Variants in YBX1 observed in about 807,000 individuals in gnomAD.
The protein encoded by YBX1 is Y-box-binding protein 1.
A neutral mutation model predicts 41.4 loss-of-function variants in YBX1; 3 were observed. The ratio of observed to expected loss-of-function variants is 0.07; its 90% CI spans 0.03 to 0.19. The LOEUF is 0.19. Among genes scored for constraint, YBX1 ranks in the 10% least tolerant of loss-of-function variants. The pLI is 1.00. For missense variants in YBX1, 274 were observed against 462.8 expected, an observed-to-expected ratio of 0.59 and a Z score of 3.74; for synonymous variants, 133 against 165.8, an observed-to-expected ratio of 0.80 and a Z score of 1.52.
rs918012842 is a variant in YBX1, at chr1:42,702,679, A to C, written c.*730A>C. Reference sequence around the variant, plus strand: ...TCTAGCCTAGACCGACCAGACTCTCATCCTGCTCCACTTAGTTTTGTCACC... The same window carrying C: ...TCTAGCCTAGACCGACCAGACTCTCCTCCTGCTCCACTTAGTTTTGTCACC... On this transcript the variant is annotated 3_prime_UTR_variant, in exon 8 of 8. Transcript: ENST00000321358. 8.5e-5 allele frequency among the ~76,000 whole-genome samples: 13 copies of C among 152,204 alleles called. No individual in the cohort carries two copies.
intron 6 of YBX1, among the ~76,000 whole-genome samples, chr1:42,699,530 T>C (rs1650543120): frequency 6.6e-6 from 1 of 152,144 alleles, no homozygotes. Flanking sequence ...TTTATCCAGA[T>C]GAAGACACTG....
intron 1 of YBX1, 174 bp from the exon 2 acceptor site, chr1:42,683,229 C>T (rs1570412737): frequency 2.6e-6 from 2 of 767,246 alleles, no homozygotes; most frequent in East Asian, 2.7e-5. Context: ...TTCAGACTCA[C>T]CCACGTGTGC....
chr1:42,693,757 AT>A (rs1177971029), intron 3 of YBX1, among the ~76,000 whole-genome samples: 2 of 152,346 alleles, frequency 1.3e-5, no homozygotes, highest in East Asian at 1.9e-4. Context: ...GCTTTCTCAA[AT>A]GTTGAGTCAA....
intron 2 of YBX1, among the ~76,000 whole-genome samples, chr1:42,686,603 T>TCA (rs150826609): frequency 3.0e-4 from 46 of 152,366 alleles, no homozygotes; most frequent in African/African-American, 1.0e-3. Context: ...CTCTCTTTAG[T>TCA]CACGCCTATC....
intron 2 of YBX1, among the ~76,000 whole-genome samples, chr1:42,692,685 G>T (rs12032134): frequency 0.1 from 15,229 of 152,226 alleles, 1,042 homozygotes; most frequent in East Asian, 0.29. Flanking sequence ...CTGACCTGAC[G>T]GAGTAAAGAG....
intron 3 of YBX1, 101 bp downstream of exon 3, chr1:42,693,624 A>G: frequency 8.0e-7 from 1 of 1,244,556 alleles, no homozygotes; most frequent in Non-Finnish European, 1.2e-6. Context: ...GGTTAAGTCC[A>G]ACCACCAGTT....
chr1:42,700,710 C>T (rs1650576684), intron 6 of YBX1, 71 bp from the exon 7 acceptor site: 2 of 1,361,018 alleles, frequency 1.5e-6, no homozygotes, highest in Non-Finnish European at 2.0e-6. Context: ...TGTGAACCAA[C>T]TGGTTACACT....
chr1:42,682,469 C>G lies in YBX1; in HGVS notation c.-97C>G. The G allele has an allele frequency of 1.5e-6, 2 of 1,300,726 alleles. No individual in the cohort carries two copies. Among genetic ancestry groups the G allele is most frequent in the African/African-American group, 3.1e-5 (2 of 64,386 alleles). The allele number at this position is 1,300,726 out of a possible 1,614,324, so 80.6% of individuals were successfully genotyped here. A position where few individuals can be genotyped will look rare whatever the true frequency, so the allele number is the denominator to read the frequency against. On this transcript the variant is annotated 5_prime_UTR_variant, in exon 1 of 8. Coordinates refer to ENST00000321358, the MANE Select transcript of YBX1 (RefSeq NM_004559.5). ...GAGCGGAGAGCGGACCCCAGAGAGC[C>G]CTGAGCAGCCCCACCGCCGCCGCCG...
rs761855199 is a variant in YBX1, at chr1:42,696,758, T to C, written c.471T>C (p.Asn157=). 6.2e-7 allele frequency: 1 copy of C among 1,613,802 alleles called. No individual in the cohort carries two copies. Among genetic ancestry groups the C allele is most frequent in the Non-Finnish European group, 8.5e-7 (1 of 1,179,852 alleles). ...CACGTCGTAGGGGTCCTCCACGCAA[T>C]TACCAGCAAAATTACCAGAATAGTG... ...RYPRRRGPPR[N]YQQNYQNSES... Residue 157 remains asparagine (N), a synonymous_variant, in exon 5 of 8, where the codon AAT becomes AAC. Coordinates refer to ENST00000321358, the MANE Select transcript of YBX1 (RefSeq NM_004559.5). The surrounding 1 kb of genome is among the most constrained non-coding windows in gnomAD (Gnocchi z 5.7).
In YBX1 at chr1:42,682,610, C is replaced by G. The variant is rs927869792; in HGVS notation, c.45C>G (p.Pro15=). ...CCCAGCAGCCGCCCGCCGCCCCCCC[C>G]GCCGCCCCCGCCCTCAGCGCCGCCG... is the stretch of plus-strand genomic sequence containing the variant. ...AETQQPPAAP[P]AAPALSAADT... is the part of the protein sequence containing the mutation. The change falls in exon 1 of 8, where the codon CCC becomes CCG. Residue 15 remains proline (P), a synonymous_variant. Coordinates refer to ENST00000321358, the MANE Select transcript of YBX1 (RefSeq NM_004559.5). The G allele has an allele frequency of 5.5e-6, 8 of 1,444,754 alleles. No individual in the cohort carries two copies. Among genetic ancestry groups the G allele is most frequent in the South Asian group, 5.4e-5 (4 of 73,556 alleles). The allele number at this position is 1,444,754 out of a possible 1,614,324, so 89.5% of individuals were successfully genotyped here.
At chr1:42,687,771 A>T (rs1376388190) in intron 2 of YBX1, among the ~76,000 whole-genome samples, 1 of 152,108 alleles carries the variant, frequency 6.6e-6, no homozygotes, top group Non-Finnish European at 1.5e-5. Context: ...CTTTGGAAGG[A>T]TGTCATTACC....
Position 42,696,882 on chromosome 1 carries a change from C to T in YBX1, c.595C>T (p.Arg199Trp), listed in dbSNP as rs762784015. The change falls in exon 5 of 8, where the codon CGG (arginine) becomes TGG (tryptophan). Residue 199 changes from arginine (R) to tryptophan (W), a missense_variant. Arg to Trp is a moderately radical substitution (Grantham distance 101). Coordinates refer to ENST00000321358, the MANE Select transcript of YBX1 (RefSeq NM_004559.5). The surrounding 1 kb of genome is among the most constrained non-coding windows in gnomAD (Gnocchi z 5.7). ...GCGAAGGTTCCCACCTTACTACATG[C>T]GGAGACCCTATGGGCGTCGACCACA... Reference protein sequence around the residue: ...RRRRFPPYYMRRPYGRRPQYS... With the variant: ...RRRRFPPYYMWRPYGRRPQYS... 4.4e-6 allele frequency: 7 copies of T among 1,595,860 alleles called. No homozygotes were observed. Among genetic ancestry groups the T allele is most frequent in the Non-Finnish European group, 6.0e-6 (7 of 1,170,102 alleles).
chr1:42,686,919 C>T (rs75830131), intron 2 of YBX1, among the ~76,000 whole-genome samples: 2 of 152,282 alleles, frequency 1.3e-5, no homozygotes, highest in East Asian at 3.9e-4. Context: ...CTTATGCTGT[C>T]TCTGAAATAG....
At chr1:42,686,518 C>G (rs1315103203) in intron 2 of YBX1, among the ~76,000 whole-genome samples, 1 of 152,152 alleles carries the variant, frequency 6.6e-6, no homozygotes. Context: ...CGCCTGGCCT[C>G]TGTGTATGCA....
chr1:42,682,457 AC>A lies in YBX1; in HGVS notation c.-105del. 1 of 1,220,950 alleles carries A rather than the reference AC, an allele frequency of 8.2e-7. No homozygotes were observed. 75.6% of individuals were successfully genotyped at this position (1,220,950 alleles called of 1,614,324 possible). A position where few individuals can be genotyped will look rare whatever the true frequency, so the allele number is the denominator to read the frequency against. On this transcript the variant is annotated 5_prime_UTR_variant, in exon 1 of 8. Coordinates refer to ENST00000321358, the MANE Select transcript of YBX1 (RefSeq NM_004559.5). ...GATCGGTAGCGGGAGCGGAGAGCGG[AC>A]CCCAGAGAGCCCTGAGCAGCCCCAC...
At position 42,696,916 on chromosome 1, in the gene YBX1, A is replaced by C. The variant is rs185061907; in HGVS notation, c.629A>C (p.Asn210Thr). 35 of 1,565,858 alleles carry C rather than the reference A, an allele frequency of 2.2e-5. 1 individual carries two copies. In the Admixed American group the frequency reaches 4.8e-4, roughly 21 times the overall value. ...TATGGGCGTCGACCACAGTATTCCAACCCTCCTGTGCAGGGAGAAGTGATG... is the reference window on the plus strand; with the variant it reads ...TATGGGCGTCGACCACAGTATTCCACCCCTCCTGTGCAGGGAGAAGTGATG... ...RPYGRRPQYS[N>T]PPVQGEVMEG... The change falls in exon 5 of 8, where the codon AAC becomes ACC. Residue 210 changes from asparagine to threonine, a missense_variant. Transcript: ENST00000321358. The surrounding 1 kb of genome is among the most constrained non-coding windows in gnomAD (Gnocchi z 5.7).
At chr1:42,686,226 T>G (rs984808612) in intron 2 of YBX1, among the ~76,000 whole-genome samples, 10 of 152,218 alleles carry the variant, frequency 6.6e-5, no homozygotes, top group African/African-American at 2.4e-4. Context: ...TCTTAATGTT[T>G]TGAGGTGAAA....
rs369858905 is a variant in YBX1, at chr1:42,696,754, G to A, written c.467G>A (p.Arg156His). Reference sequence around the variant, plus strand: ...TATCCACGTCGTAGGGGTCCTCCACGCAATTACCAGCAAAATTACCAGAAT... The same window carrying A: ...TATCCACGTCGTAGGGGTCCTCCACACAATTACCAGCAAAATTACCAGAAT... Reference protein sequence around the residue: ...RRYPRRRGPPRNYQQNYQNSE... With the variant: ...RRYPRRRGPPHNYQQNYQNSE... The change falls in exon 5 of 8, where the codon CGC becomes CAC. Residue 156 changes from arginine (R) to histidine (H), a missense_variant. By Grantham distance (29) the Arg-to-His change is conservative (BLOSUM62 0). This residue lies in a region of YBX1 where 187 missense variants were observed against 306.3 expected (regional missense o/e 0.61). Transcript: ENST00000321358. This position sits in a 1 kb window ranked among gnomAD's most constrained non-coding sequence, Gnocchi z 5.7. The A allele has an allele frequency of 6.2e-6, 10 of 1,613,630 alleles. No homozygotes were observed. Among genetic ancestry groups the A allele is most frequent in the African/African-American group, 1.3e-5 (1 of 74,888 alleles).
chr1:42,683,150 C>G, intron 1 of YBX1: 2 of 641,908 alleles, frequency 3.1e-6, no homozygotes, highest in South Asian at 3.2e-5. Flanking sequence ...CACGTGCTCT[C>G]CGTCCGCGGC....
Sources: gnomAD v4.1 joint callset for allele counts (sites outside exome capture counted in the v4.1 genomes callset) on GRCh38, gnomAD v4.1.1 for gene constraint, gnomAD v4.1.1 regional missense constraint, Gnocchi (gnomAD v3.1) non-coding constraint, MANE v1.5 for transcripts, NCBI Gene and HGNC (gene_info 2026-07-23, HGNC 2026-07-21) for gene names.